The following NCAM2 variants were observed in gnomAD, a reference collection of about 807,000 sequenced individuals.
The protein encoded by NCAM2 is N-CAM-2.
Under a neutral mutation model 98.1 loss-of-function variants are expected in NCAM2, and 30 were observed. That is an observed-to-expected ratio of 0.31 (90% CI 0.23 to 0.41). NCAM2 has a LOEUF of 0.41. Among genes scored for constraint, NCAM2 ranks in the 10% least tolerant of loss-of-function variants. The pLI is 1.00. For missense variants in NCAM2, 867 were observed against 1,005.8 expected, an observed-to-expected ratio of 0.86 and a Z score of 1.87; for synonymous variants, 368 against 342.4, an observed-to-expected ratio of 1.07 and a Z score of -0.83.
chr21:21,319,428 G>C (rs879494616), intron 5 of NCAM2, among the ~76,000 whole-genome samples: 1 of 152,132 alleles, frequency 6.6e-6, no homozygotes, highest in Non-Finnish European at 1.5e-5. Context: ...GGATCACGAG[G>C]TCAAGAGTTT....
At chr21:21,246,915 T>G (rs1370167608) in intron 1 of NCAM2, among the ~76,000 whole-genome samples, 1 of 152,212 alleles carries the variant, frequency 6.6e-6, no homozygotes, top group African/African-American at 2.4e-5. Context: ...TGGGCTAGCA[T>G]GTGAATTATT....
At chr21:21,380,594 A>G (rs1285136161) in intron 9 of NCAM2, among the ~76,000 whole-genome samples, 1 of 151,502 alleles carries the variant, frequency 6.6e-6, no homozygotes, top group Non-Finnish European at 1.5e-5. Flanking sequence ...GAGGCTGCCC[A>G]CATTCCTTGC....
intron 15 of NCAM2, among the ~76,000 whole-genome samples, chr21:21,479,291 A>G (rs929646428): frequency 6.6e-6 from 1 of 152,094 alleles, no homozygotes; most frequent in Non-Finnish European, 1.5e-5. Flanking sequence ...CTATCTTTGT[A>G]AGAAATTGTT....
At chr21:21,324,579 T>C in intron 6 of NCAM2, 79 bp downstream of exon 6, 2 of 1,026,794 alleles carry the variant, frequency 1.9e-6, no homozygotes, top group Non-Finnish European at 2.9e-6. Context: ...TTAATCATTT[T>C]GGTAAAAAGC....
intron 9 of NCAM2, among the ~76,000 whole-genome samples, chr21:21,380,922 A>G (rs1292700601): frequency 6.6e-6 from 1 of 151,980 alleles, no homozygotes; most frequent in African/African-American, 2.4e-5. Context: ...TTCTCTGCTG[A>G]TCTCTCACTT....
chr21:21,003,678 AATC>A (rs1227301412), intron 1 of NCAM2, among the ~76,000 whole-genome samples: 2 of 152,174 alleles, frequency 1.3e-5, no homozygotes, highest in African/African-American at 2.4e-5. Flanking sequence ...AGTTTTAAAA[AATC>A]ATCATAAGCT....
intron 1 of NCAM2, among the ~76,000 whole-genome samples, chr21:21,240,128 A>G (rs1002287648): frequency 6.6e-5 from 10 of 152,138 alleles, no homozygotes; most frequent in African/African-American, 2.4e-4. Context: ...GTGTTGTAAA[A>G]TGGCTCTACT....
In NCAM2 at chr21:21,468,757, T is replaced by G; in HGVS notation, c.1870T>G (p.Leu624Val). The change falls in exon 14 of 18, where the codon TTG becomes GTG. Residue 624 changes from leucine (L) to valine (V), a missense_variant. Around this residue, in one of 5 missense-constraint regions of NCAM2, gnomAD observed 234 missense variants for 333.8 expected, o/e 0.70. Coordinates refer to ENST00000400546, the MANE Select transcript of NCAM2 (RefSeq NM_004540.5). The stretch of plus-strand genomic sequence containing the variant: ...ACAGGACGATGGAGGGGCCCCTATT[T>G]TGGAATACATTGTGAAATATAGAAG... ...TKQDDGGAPI[L>V]EYIVKYRSKD... 1 of 1,611,552 alleles carries G rather than the reference T, an allele frequency of 6.2e-7. No homozygotes were observed. Among genetic ancestry groups the G allele is most frequent in the Non-Finnish European group, 8.5e-7 (1 of 1,178,368 alleles).
intron 1 of NCAM2, among the ~76,000 whole-genome samples, chr21:21,151,512 A>G (rs1370503119): frequency 6.6e-6 from 1 of 152,088 alleles, no homozygotes; most frequent in Non-Finnish European, 1.5e-5. Context: ...TCAGAGTGGA[A>G]TGGTATAGCC....
chr21:21,234,263 C>T (rs960390097), intron 1 of NCAM2, among the ~76,000 whole-genome samples: 1 of 151,544 alleles, frequency 6.6e-6, no homozygotes, highest in Non-Finnish European at 1.5e-5. Flanking sequence ...AAATAGGAAC[C>T]CTTCACTCAT....
chr21:21,314,726 C>A (rs1367047634), intron 5 of NCAM2, among the ~76,000 whole-genome samples: 1 of 149,662 alleles, frequency 6.7e-6, no homozygotes, highest in Non-Finnish European at 1.5e-5. Flanking sequence ...TTTGATAACT[C>A]TCTCTGTCAA....
intron 16 of NCAM2, among the ~76,000 whole-genome samples, chr21:21,519,762 G>T (rs1602547900): frequency 1.3e-5 from 2 of 152,072 alleles, no homozygotes; most frequent in Non-Finnish European, 2.9e-5. Flanking sequence ...GTTTGAAAAA[G>T]ATATAAAATC....
intron 10 of NCAM2, among the ~76,000 whole-genome samples, chr21:21,416,502 AAAAG>A (rs917539539): frequency 2.2e-5 from 3 of 133,786 alleles, no homozygotes; most frequent in African/African-American, 2.9e-5. Flanking sequence ...GTGAAAAAAA[AAAAG>A]AAAAGAAAAA....
At position 21,101,996 on chromosome 21, in the gene NCAM2, A is replaced by C. The variant is rs76578996; in HGVS notation, c.55+103378A>C. On this transcript the variant is annotated intron_variant, in intron 1 of 17. Coordinates refer to ENST00000400546, the MANE Select transcript of NCAM2 (RefSeq NM_004540.5). ...CAAGCTTTGGCCAATGAAGTGTAGG[A>C]GTAGCTTGTGTCACCTCTTGTCTGA... Among the ~76,000 whole-genome samples, 1,466 of 152,104 alleles carry C rather than the reference A, an allele frequency of 9.6e-3. 77 individuals are homozygous for C. Among genetic ancestry groups the C allele is most frequent in the Admixed American group, 0.079 (1,202 of 15,248 alleles).
chr21:20,998,487 C>T lies in NCAM2; in HGVS notation c.-77C>T, dbSNP rs900891988. The T allele has an allele frequency of 1.6e-5, 24 of 1,469,156 alleles. 1 individual carries two copies. The South Asian group carries it at 1.7e-4, about 10-fold the overall frequency. 91.0% of individuals were successfully genotyped at this position (1,469,156 alleles called of 1,614,324 possible). On this transcript the variant is annotated 5_prime_UTR_variant, in exon 1 of 18. Coordinates refer to ENST00000400546, the MANE Select transcript of NCAM2 (RefSeq NM_004540.5). Reference sequence around the variant, plus strand: ...GCGGCGGCGGCTCTAGCAGAGGCGGCCGGGGCAGCGAAAGGTTCTCTCTCC... The same window carrying T: ...GCGGCGGCGGCTCTAGCAGAGGCGGTCGGGGCAGCGAAAGGTTCTCTCTCC...
At chr21:21,080,324 A>G (rs6650822) in intron 1 of NCAM2, among the ~76,000 whole-genome samples, 12,234 of 152,096 alleles carry the variant, frequency 0.08, 554 homozygotes, top group East Asian at 0.19. Flanking sequence ...TACCCCAATT[A>G]AAGACTTCCT....
intron 1 of NCAM2, among the ~76,000 whole-genome samples, chr21:21,071,568 G>A (rs2065564110): frequency 6.6e-6 from 1 of 152,030 alleles, no homozygotes; most frequent in African/African-American, 2.4e-5. Flanking sequence ...CATTGAAAAA[G>A]GTTTATGCAG....
chr21:21,367,469 T>C (rs1156573990), intron 8 of NCAM2, among the ~76,000 whole-genome samples: 1 of 151,954 alleles, frequency 6.6e-6, no homozygotes, highest in Non-Finnish European at 1.5e-5. Context: ...CATGGAAAAA[T>C]ACTATAAATT....
intron 1 of NCAM2, among the ~76,000 whole-genome samples, chr21:21,086,377 G>T (rs2065905731): frequency 6.6e-6 from 1 of 152,196 alleles, no homozygotes; most frequent in Non-Finnish European, 1.5e-5. Flanking sequence ...TTGCAGACAT[G>T]AGAGTCTATT....
Sources: allele counts gnomAD v4.1 joint callset (sites outside exome capture counted in the v4.1 genomes callset), GRCh38; gene constraint gnomAD v4.1.1; regional missense constraint gnomAD v4.1.1; transcripts MANE v1.5; gene names NCBI Gene and HGNC (gene_info 2026-07-23, HGNC 2026-07-21).